Variants in SCFD1 observed in about 807,000 individuals in gnomAD.
SCFD1 encodes sec1 family domain-containing protein 1.
A neutral mutation model predicts 103.2 loss-of-function variants in SCFD1; 37 were observed. The ratio of observed to expected loss-of-function variants is 0.36; its 90% CI spans 0.28 to 0.47. SCFD1 has a LOEUF of 0.47. SCFD1 is among the 20% of genes least tolerant of loss of function. The probability of loss-of-function intolerance (pLI) is 1.00; values close to 1 mark genes in which losing one functional copy is unlikely to be tolerated. For synonymous variants in SCFD1, 264 were observed against 245.0 expected (o/e 1.08, Z -0.73); for missense variants, 639 against 761.2 (o/e 0.84, Z 1.89).
chr14:30,719,339 T>C lies in SCFD1; in HGVS notation c.1698T>C (p.Tyr566=). The C allele has an allele frequency of 1.2e-6, 2 of 1,603,400 alleles. No individual in the cohort carries two copies. The highest frequency in any genetic ancestry group is 1.7e-6 in the Non-Finnish European group (2 of 1,174,470). ...EMKSNPETDD[Y]RYFDPKMLRG... ...TTTTTTAATAGGAAACTGATGACTA[T>C]AGATATTTTGATCCCAAAATGCTGC... is the stretch of plus-strand genomic sequence containing the variant. The change falls in exon 21 of 25, where the codon TAT becomes TAC. Residue 566 remains tyrosine (Y), a synonymous_variant. Coordinates refer to ENST00000458591, the MANE Select transcript of SCFD1 (RefSeq NM_016106.4).
At chr14:30,654,836 G>A (rs145400123) in intron 10 of SCFD1, among the ~76,000 whole-genome samples, 73 of 152,200 alleles carry the variant, frequency 4.8e-4, no homozygotes, top group Admixed American at 1.2e-3. Context: ...GATGAGTGTC[G>A]AAGAAATAGC....
chr14:30,711,031 A>G (rs1259168782), intron 19 of SCFD1, among the ~76,000 whole-genome samples: 2 of 152,366 alleles, frequency 1.3e-5, no homozygotes, highest in African/African-American at 2.4e-5. Flanking sequence ...AGTATCAACT[A>G]TCACATAAAA....
At chr14:30,659,180 T>G (rs1210425665) in intron 10 of SCFD1, among the ~76,000 whole-genome samples, 4 of 151,486 alleles carry the variant, frequency 2.6e-5, no homozygotes, top group African/African-American at 4.8e-5. Context: ...ATAGTTTTTT[T>G]TTTTTTTTTT....
At chr14:30,663,084 T>A (rs1296922859) in intron 10 of SCFD1, among the ~76,000 whole-genome samples, 1 of 152,222 alleles carries the variant, frequency 6.6e-6, no homozygotes, top group Non-Finnish European at 1.5e-5. Flanking sequence ...TTTGCCTTAC[T>A]ATTATGCAAA....
chr14:30,632,046 G>GAAAAAAAAAAAAAAAAAAAAAAAAA (rs61645782), intron 3 of SCFD1, among the ~76,000 whole-genome samples: 1 of 70,266 alleles, frequency 1.4e-5, no homozygotes. Flanking sequence ...AGATTCTGTT[G>GAAAAAAAAAAAAAAAAAAAAAAAAA]AAAAAAAAAA....
intron 1 of SCFD1, among the ~76,000 whole-genome samples, chr14:30,627,743 C>CGAA (rs1883639599): frequency 2.7e-5 from 2 of 73,774 alleles, no homozygotes; most frequent in African/African-American, 6.1e-5. Flanking sequence ...AACTCTGTCT[C>CGAA]AGAAAAAAAA....
At chr14:30,660,036 A>G (rs184281072) in intron 10 of SCFD1, among the ~76,000 whole-genome samples, 47 of 152,322 alleles carry the variant, frequency 3.1e-4, no homozygotes, top group African/African-American at 1.1e-3. Flanking sequence ...AACAAAATTA[A>G]TGATAATTTC....
chr14:30,707,698 C>A, intron 18 of SCFD1: 2 of 369,358 alleles, frequency 5.4e-6, no homozygotes, highest in Admixed American at 3.8e-5. Context: ...AAAAATATAG[C>A]TAAGACTAGG....
chr14:30,701,414 G>A (rs565246170), intron 16 of SCFD1, among the ~76,000 whole-genome samples: 197 of 152,144 alleles, frequency 1.3e-3, no homozygotes, highest in African/African-American at 4.5e-3. Context: ...AATTAGCTGG[G>A]CGTGGTGGTG....
intron 11 of SCFD1, among the ~76,000 whole-genome samples, chr14:30,672,261 G>A (rs542791850): frequency 1.3e-5 from 2 of 152,200 alleles, no homozygotes; most frequent in South Asian, 4.2e-4. Context: ...TGACTCCCCA[G>A]TGCAATGCTG....
chr14:30,662,693 A>G (rs910040267), intron 10 of SCFD1, among the ~76,000 whole-genome samples: 2 of 152,234 alleles, frequency 1.3e-5, no homozygotes, highest in Admixed American at 6.5e-5. Flanking sequence ...TTTTTATTTT[A>G]CTTTCCTTTT....
At chr14:30,706,889 C>T (rs1295599311) in intron 18 of SCFD1, among the ~76,000 whole-genome samples, 1 of 152,164 alleles carries the variant, frequency 6.6e-6, no homozygotes, top group African/African-American at 2.4e-5. Context: ...AGGAATCCAG[C>T]TGGCCTCACC....
intron 9 of SCFD1, among the ~76,000 whole-genome samples, chr14:30,650,856 A>T (rs1274057920): frequency 6.6e-6 from 1 of 152,094 alleles, no homozygotes; most frequent in Non-Finnish European, 1.5e-5. Context: ...ATTTCTAAGC[A>T]TTTTATCATC....
intron 23 of SCFD1, among the ~76,000 whole-genome samples, chr14:30,723,969 C>T (rs955987387): frequency 2.6e-5 from 4 of 151,178 alleles, no homozygotes; most frequent in Non-Finnish European, 5.9e-5. Flanking sequence ...TGAGGAATCA[C>T]CACACTGTCT....
intron 15 of SCFD1, among the ~76,000 whole-genome samples, chr14:30,698,358 C>G (rs2139326623): frequency 6.6e-6 from 1 of 152,316 alleles, no homozygotes. Context: ...CTCCCCAGCC[C>G]TTAGCATCAG....
intron 9 of SCFD1, chr14:30,652,392 T>A (rs1440346359): frequency 1.3e-5 from 2 of 152,142 alleles, no homozygotes; most frequent in Non-Finnish European, 2.9e-5. Context: ...GCCTTCTCTG[T>A]TAAGGGGATA....
chr14:30,669,574 C>T (rs1888349869), intron 10 of SCFD1, among the ~76,000 whole-genome samples: 1 of 151,548 alleles, frequency 6.6e-6, no homozygotes, highest in Non-Finnish European at 1.5e-5. Context: ...AGAAAAGGTA[C>T]AAAAATCAAG....
intron 19 of SCFD1, among the ~76,000 whole-genome samples, chr14:30,709,263 C>T (rs1306141118): frequency 1.3e-5 from 2 of 152,116 alleles, no homozygotes; most frequent in Non-Finnish European, 2.9e-5. Context: ...ATTTTATATA[C>T]TTAATCTTTA....
At chr14:30,720,749 G>A (rs1427417070) in intron 21 of SCFD1, among the ~76,000 whole-genome samples, 1 of 152,122 alleles carries the variant, frequency 6.6e-6, no homozygotes, top group Non-Finnish European at 1.5e-5. Context: ...GAAGATGTGA[G>A]TAGGTTATAT....
Sources: allele counts gnomAD v4.1 joint callset (sites outside exome capture counted in the v4.1 genomes callset), GRCh38; gene constraint gnomAD v4.1.1; transcripts MANE v1.5; gene names NCBI Gene and HGNC (gene_info 2026-07-23, HGNC 2026-07-21).